AP2A1: variants seen among roughly 807,000 people sequenced by gnomAD.
AP2A1 encodes the protein AP-2 complex subunit alpha-1.
A neutral mutation model predicts 107.3 loss-of-function variants in AP2A1; 21 were observed. The ratio of observed to expected loss-of-function variants is 0.20; its 90% CI spans 0.14 to 0.28. The LOEUF is 0.28. Among genes scored for constraint, AP2A1 ranks in the 10% least tolerant of loss-of-function variants. The probability of loss-of-function intolerance (pLI) is 1.00; values close to 1 mark genes in which losing one functional copy is unlikely to be tolerated. For missense variants in AP2A1, 873 were observed against 1,307.7 expected (o/e 0.67, Z 5.13); for synonymous variants, 602 against 564.8 (o/e 1.07, Z -0.93).
intron 22 of AP2A1, 49 bp downstream of exon 22, chr19:49,806,302 ATC>A: frequency 6.5e-7 from 1 of 1,538,100 alleles, no homozygotes; most frequent in Non-Finnish European, 8.8e-7. Context: ...GCCGCCTGTC[ATC>A]TCTGCGTCCA....
At chr19:49,790,546 G>T (rs1324781441) in intron 4 of AP2A1, among the ~76,000 whole-genome samples, 1 of 152,196 alleles carries the variant, frequency 6.6e-6, no homozygotes, top group Non-Finnish European at 1.5e-5. Context: ...CTACAGGCAT[G>T]CGCCACCACG....
Position 49,806,183 on chromosome 19 carries a change from C to T in AP2A1, c.2720C>T (p.Ala907Val). 1.3e-6 allele frequency: 2 copies of T among 1,594,620 alleles called. No homozygotes were observed. The highest frequency in any genetic ancestry group is 1.7e-6 in the Non-Finnish European group (2 of 1,171,048). The change falls in exon 22 of 23, where the codon GCG (alanine) becomes GTG (valine). Residue 907 changes from alanine (A) to valine (V), a missense_variant. This residue lies in a region of AP2A1 where 416 missense variants were observed against 473.4 expected (regional missense o/e 0.88). Coordinates refer to ENST00000354293, the MANE Select transcript of AP2A1 (RefSeq NM_130787.3). ...CCCAACCCTGAGAACTTCGTGGGGG[C>T]GGGGATCATCCAGACTAAAGCCCTG... ...VDPNPENFVGAGIIQTKALQV... is the reference protein window; with the variant it reads ...VDPNPENFVGVGIIQTKALQV...
chr19:49,776,584 ACT>A (rs2123675654), intron 1 of AP2A1, among the ~76,000 whole-genome samples: 1 of 151,382 alleles, frequency 6.6e-6, no homozygotes, highest in Admixed American at 6.6e-5. Flanking sequence ...TCCCTTTAAA[ACT>A]CTCTCACAGG....
At chr19:49,802,246 G>T in intron 15 of AP2A1, 105 bp downstream of exon 15, 2 of 896,350 alleles carry the variant, frequency 2.2e-6, no homozygotes, top group Non-Finnish European at 3.4e-6. Context: ...CCCCCGACTC[G>T]CTCCTCTCTC....
chr19:49,782,808 G>A, intron 4 of AP2A1, 84 bp downstream of exon 4: 1 of 1,431,266 alleles, frequency 7.0e-7, no homozygotes, highest in Non-Finnish European at 9.3e-7. Context: ...AGGCTCTGTT[G>A]CCTGCCCAAG....
intron 16 of AP2A1, 22 bp from the exon 17 acceptor site, chr19:49,803,085 C>G: frequency 6.2e-7 from 1 of 1,613,958 alleles, no homozygotes; most frequent in East Asian, 2.2e-5. Flanking sequence ...CCCCCGTCAT[C>G]TTGCGCCCCC....
intron 1 of AP2A1, among the ~76,000 whole-genome samples, chr19:49,772,246 GTTTTTTTTTTTTTTT>G (rs71180653): frequency 1.8e-4 from 10 of 56,174 alleles, no homozygotes; most frequent in African/African-American, 4.1e-4. Context: ...TTTTCATAGA[GTTTTTTTTTTTTTTT>G]TTTTTTTTTT....
chr19:49,801,075 C>T lies in AP2A1; in HGVS notation c.1553+17C>T, dbSNP rs552024338. 1.3e-6 allele frequency: 2 copies of T among 1,587,214 alleles called. No individual in the cohort carries two copies. The highest frequency in any genetic ancestry group is 1.7e-6 in the Non-Finnish European group (2 of 1,165,972). ...CCGCTCCAGGTGAGGGAGCCTCAGC[C>T]TGCAGGGGAGAACACACATGCTTCT... is the stretch of plus-strand genomic sequence containing the variant. On this transcript the variant is annotated intron_variant, in intron 12 of 22. Coordinates refer to ENST00000354293, the MANE Select transcript of AP2A1 (RefSeq NM_130787.3).
chr19:49,786,352 C>T lies in AP2A1; in HGVS notation c.473+3628C>T, dbSNP rs1288238041. Among the ~76,000 whole-genome samples the T allele has an allele frequency of 3.9e-5, 6 of 152,250 alleles. No homozygotes were observed. In the East Asian group the frequency reaches 5.8e-4, roughly 15 times the overall value. Reference sequence around the variant, plus strand: ...ACTGAATCAGCGTAAAAATTATTCACGAGCTATTTTATTTGACATCTGTGT... The same window carrying T: ...ACTGAATCAGCGTAAAAATTATTCATGAGCTATTTTATTTGACATCTGTGT... On this transcript the variant is annotated intron_variant, in intron 4 of 22. Coordinates refer to ENST00000354293, the MANE Select transcript of AP2A1 (RefSeq NM_130787.3).
intron 1 of AP2A1, among the ~76,000 whole-genome samples, chr19:49,776,410 C>T (rs893350950): frequency 1.3e-5 from 2 of 152,130 alleles, no homozygotes; most frequent in Non-Finnish European, 2.9e-5. Context: ...GTCCCCTGCG[C>T]CATTCTCATT....
chr19:49,767,156 A>G lies in AP2A1; in HGVS notation c.23A>G (p.Asp8Gly). The change falls in exon 1 of 23, where the codon GAT (aspartate) becomes GGT (glycine). Residue 8 changes from aspartate to glycine, a missense_variant. This residue lies in a region of AP2A1 where 87 missense variants were observed against 178.2 expected (regional missense o/e 0.49). Coordinates refer to ENST00000354293, the MANE Select transcript of AP2A1 (RefSeq NM_130787.3). ...ATCATGCCGGCCGTGTCCAAGGGCG[A>G]TGGGATGCGGGGGCTCGCGGTGTTC... Reference protein sequence around the residue: MPAVSKGDGMRGLAVFIS... With the variant: MPAVSKGGGMRGLAVFIS... 1 of 1,611,858 alleles carries G rather than the reference A, an allele frequency of 6.2e-7. No individual in the cohort carries two copies. The highest frequency in any genetic ancestry group is 8.5e-7 in the Non-Finnish European group (1 of 1,179,698).
chr19:49,805,769 G>A lies in AP2A1; in HGVS notation c.2577G>A (p.Gln859=), dbSNP rs2073365530. Residue 859 remains glutamine, a synonymous_variant, in exon 20 of 23, where the codon CAG becomes CAA. Transcript: ENST00000354293. ...AGGATTTCTTCCAGCGCTGGAAGCA[G>A]CTGAGCCTGTGAGGGGTGGGGAGGG... is the stretch of plus-strand genomic sequence containing the variant. ...AAQDFFQRWK[Q]LSLPQQEAQK... 6.3e-7 allele frequency: 1 copy of A among 1,599,242 alleles called. No individual in the cohort carries two copies. Among genetic ancestry groups the A allele is most frequent in the African/African-American group, 1.4e-5 (1 of 73,854 alleles).
intron 1 of AP2A1, among the ~76,000 whole-genome samples, chr19:49,770,996 C>T (rs1270902039): frequency 6.6e-6 from 1 of 152,034 alleles, no homozygotes; most frequent in Non-Finnish European, 1.5e-5. Context: ...GGATTACAGG[C>T]GTGTGCCACC....
In AP2A1 at chr19:49,803,155, G is replaced by C; in HGVS notation, c.2220G>C (p.Gln740His). The change falls in exon 17 of 23, where the codon CAG becomes CAC. Residue 740 changes from glutamine (Q) to histidine (H), a missense_variant. This residue lies in a region of AP2A1 where 416 missense variants were observed against 473.4 expected (regional missense o/e 0.88). Coordinates refer to ENST00000354293, the MANE Select transcript of AP2A1 (RefSeq NM_130787.3). ...TCCTGTTCGAGAACCAGCTGCTGCA[G>C]ATCGGAGTCAAGTCAGAGTTCCGAC... is the stretch of plus-strand genomic sequence containing the variant. ...NGVLFENQLL[Q>H]IGVKSEFRQN... 6.2e-7 allele frequency: 1 copy of C among 1,614,042 alleles called. No individual in the cohort carries two copies. The highest frequency in any genetic ancestry group is 8.5e-7 in the Non-Finnish European group (1 of 1,179,904).
intron 4 of AP2A1, among the ~76,000 whole-genome samples, chr19:49,784,114 C>G (rs573974865): frequency 6.6e-6 from 1 of 152,308 alleles, no homozygotes; most frequent in Admixed American, 6.5e-5. Context: ...CACAAGACAC[C>G]ATGAGGGAGA....
chr19:49,770,116 G>A (rs1299056085), intron 1 of AP2A1, among the ~76,000 whole-genome samples: 4 of 152,140 alleles, frequency 2.6e-5, no homozygotes, highest in East Asian at 1.9e-4. Flanking sequence ...TGATCTGCCC[G>A]CCTTGGCCTC....
In AP2A1 at chr19:49,799,658, G is replaced by A. The variant is rs1469505110; in HGVS notation, c.1164G>A (p.Arg388=). 1 of 1,611,874 alleles carries A rather than the reference G, an allele frequency of 6.2e-7. No individual in the cohort carries two copies. Among genetic ancestry groups the A allele is most frequent in the East Asian group, 2.2e-5 (1 of 44,878 alleles). ...AGCGGGACGTCAGCGTGCGGCAGCG[G>A]GCGGCTGACCTCCTCTACGCCATGT... ...KTERDVSVRQ[R]AADLLYAMCD... Residue 388 remains arginine (R), a synonymous_variant, in exon 10 of 23, where the codon CGG becomes CGA. Coordinates refer to ENST00000354293, the MANE Select transcript of AP2A1 (RefSeq NM_130787.3).
At chr19:49,789,362 C>T (rs1357986082) in intron 4 of AP2A1, among the ~76,000 whole-genome samples, 3 of 152,118 alleles carry the variant, frequency 2.0e-5, no homozygotes, top group Non-Finnish European at 4.4e-5. Context: ...GAGATCTCAG[C>T]TCACTGCAAC....
At chr19:49,804,519 G>A (rs1449167773) in intron 18 of AP2A1, 2 of 148,762 alleles carry the variant, frequency 1.3e-5, no homozygotes, top group East Asian at 2.0e-4. Flanking sequence ...CAGCCTGGGC[G>A]ACAGCGAGAC....
Sources: allele counts gnomAD v4.1 joint callset (sites outside exome capture counted in the v4.1 genomes callset), GRCh38; gene constraint gnomAD v4.1.1; regional missense constraint gnomAD v4.1.1; transcripts MANE v1.5; gene names NCBI Gene and HGNC (gene_info 2026-07-23, HGNC 2026-07-21).